Variants in TRHDE observed in about 807,000 individuals in gnomAD.
TRHDE encodes the protein thyrotropin-releasing hormone-degrading ectoenzyme.
TRHDE carries 72 observed loss-of-function variants against 125.7 expected under a neutral mutation model. The ratio of observed to expected loss-of-function variants is 0.57; its 90% CI spans 0.47 to 0.70. The LOEUF (loss-of-function observed/expected upper bound fraction) is 0.70, where lower values mean the gene tolerates loss of function less well. TRHDE is among the 30% of genes least tolerant of loss of function. TRHDE has a pLI of 0.00. For synonymous variants in TRHDE, 509 were observed against 509.1 expected, an observed-to-expected ratio of 1.00 and a Z score of 0.00; for missense variants, 1,110 against 1,327.1, an observed-to-expected ratio of 0.84 and a Z score of 2.54.
chr12:72,520,302 G>A (rs1030950773), intron 6 of TRHDE, among the ~76,000 whole-genome samples: 3 of 152,216 alleles, frequency 2.0e-5, no homozygotes, highest in African/African-American at 4.8e-5. Flanking sequence ...GACTCCGTGG[G>A]CGTAAGACCC....
At chr12:72,651,798 T>C (rs189147185) in intron 15 of TRHDE, among the ~76,000 whole-genome samples, 21 of 152,152 alleles carry the variant, frequency 1.4e-4, no homozygotes, top group Middle Eastern at 6.8e-3. Context: ...TTTTGGTATC[T>C]GTTTATTACC....
intron 2 of TRHDE, among the ~76,000 whole-genome samples, chr12:72,336,596 T>G (rs1869840046): frequency 6.6e-6 from 1 of 152,162 alleles, no homozygotes; most frequent in African/African-American, 2.4e-5. Context: ...ACTGGATAAT[T>G]TACAAACAGT....
intron 2 of TRHDE, among the ~76,000 whole-genome samples, chr12:72,246,483 G>A (rs923650672): frequency 7.9e-5 from 12 of 152,106 alleles, no homozygotes; most frequent in African/African-American, 2.7e-4. Context: ...ATATTTTCTG[G>A]TTTTCTTTTT....
At chr12:72,630,196 G>C (rs1873435298) in intron 15 of TRHDE, among the ~76,000 whole-genome samples, 1 of 151,570 alleles carries the variant, frequency 6.6e-6, no homozygotes, top group Admixed American at 6.6e-5. Flanking sequence ...ATCCCCACAT[G>C]TAAATGTGAT....
intron 12 of TRHDE, among the ~76,000 whole-genome samples, chr12:72,600,840 T>C (rs1872178263): frequency 6.6e-6 from 1 of 152,022 alleles, no homozygotes; most frequent in Non-Finnish European, 1.5e-5. Context: ...GGAAAACCAT[T>C]TCTTTCACAA....
chr12:72,598,880 T>C (rs1174284218), intron 12 of TRHDE, among the ~76,000 whole-genome samples: 1 of 151,662 alleles, frequency 6.6e-6, no homozygotes, highest in Non-Finnish European at 1.5e-5. Context: ...TTGCCCTTCG[T>C]CCCTCCCTTA....
chr12:72,469,813 T>C lies in TRHDE; in HGVS notation c.1371T>C (p.Ser457=). ...CTGCTATGGAGAACTGGGGACTAAG[T>C]ATTTTTGTGGAACAAAGAATACTGC... is the stretch of plus-strand genomic sequence containing the variant. ...PYAAMENWGL[S]IFVEQRILLD... Residue 457 remains serine (S), a synonymous_variant, in exon 4 of 19, where the codon AGT becomes AGC. Coordinates refer to ENST00000261180, the MANE Select transcript of TRHDE (RefSeq NM_013381.3). 6.2e-7 allele frequency: 1 copy of C among 1,614,110 alleles called. No homozygotes were observed. Among genetic ancestry groups the C allele is most frequent in the Non-Finnish European group, 8.5e-7 (1 of 1,179,966 alleles).
intron 6 of TRHDE, among the ~76,000 whole-genome samples, chr12:72,536,773 A>G (rs1274905820): frequency 3.3e-5 from 5 of 152,070 alleles, no homozygotes; most frequent in African/African-American, 1.2e-4. Context: ...TAGACCATAA[A>G]CATGTCCTAT....
upstream of TRHDE, chr12:72,271,911 G>A (rs1383989553): frequency 4.4e-6 from 2 of 456,496 alleles, no homozygotes; most frequent in East Asian, 1.4e-4. Flanking sequence ...TCTCGCTGTC[G>A]GGTCTGCAAC....
At chr12:72,128,876 T>C (rs1875786745) in intron 2 of TRHDE, among the ~76,000 whole-genome samples, 1 of 151,958 alleles carries the variant, frequency 6.6e-6, no homozygotes, top group Non-Finnish European at 1.5e-5. Context: ...TTTGGAGAAA[T>C]AGTGGCTGAA....
chr12:72,648,876 T>C (rs1445169899), intron 15 of TRHDE, among the ~76,000 whole-genome samples: 1 of 151,942 alleles, frequency 6.6e-6, no homozygotes. Context: ...CTAAAATCCA[T>C]AAAACATTGA....
intron 3 of TRHDE, among the ~76,000 whole-genome samples, chr12:72,420,563 A>G (rs1372350902): frequency 1.3e-5 from 2 of 152,150 alleles, no homozygotes; most frequent in Non-Finnish European, 2.9e-5. Context: ...GGGAATCTGA[A>G]AACTTCCTAA....
At chr12:72,541,848 C>G (rs1390248806) in intron 6 of TRHDE, among the ~76,000 whole-genome samples, 1 of 151,372 alleles carries the variant, frequency 6.6e-6, no homozygotes, top group Non-Finnish European at 1.5e-5. Flanking sequence ...CACAACTAAA[C>G]TTTTCTTGGT....
At chr12:72,549,611 CATT>C (rs1869580607) in intron 7 of TRHDE, among the ~76,000 whole-genome samples, 1 of 151,614 alleles carries the variant, frequency 6.6e-6, no homozygotes, top group Non-Finnish European at 1.5e-5. Context: ...ATAATGTTAT[CATT>C]ACTAATTTTT....
At chr12:72,641,576 ATATTT>A (rs1313341409) in intron 15 of TRHDE, among the ~76,000 whole-genome samples, 2 of 152,132 alleles carry the variant, frequency 1.3e-5, no homozygotes, top group Non-Finnish European at 2.9e-5. Context: ...TATCTTTGGT[ATATTT>A]TATTATATGA....
At position 72,573,413 on chromosome 12, in the gene TRHDE, G is replaced by GA. The variant is rs773784198; in HGVS notation, c.2132-1836dup. On this transcript the variant is annotated intron_variant, in intron 10 of 18. Coordinates refer to ENST00000261180, the MANE Select transcript of TRHDE (RefSeq NM_013381.3). ...GACTGGATAAATCATTTGCATTTTA[G>GA]AAAAAATATCTGATGATTTATTTTT... Among the ~76,000 whole-genome samples the GA allele has an allele frequency of 4.0e-5, 6 of 151,586 alleles. No individual in the cohort carries two copies. The East Asian group carries it at 5.8e-4, about 15-fold the overall frequency.
At chr12:72,117,732 T>C (rs1159898701) in intron 2 of TRHDE, among the ~76,000 whole-genome samples, 1 of 152,164 alleles carries the variant, frequency 6.6e-6, no homozygotes, top group Non-Finnish European at 1.5e-5. Context: ...TTTCATTTAT[T>C]GTGTCCTCTT....
At chr12:72,416,274 T>G (rs1449671723) in intron 3 of TRHDE, among the ~76,000 whole-genome samples, 1 of 152,108 alleles carries the variant, frequency 6.6e-6, no homozygotes, top group African/African-American at 2.4e-5. Context: ...ACATTTGAGC[T>G]CCTTATATAT....
intron 2 of TRHDE, among the ~76,000 whole-genome samples, chr12:72,250,455 C>T (rs1241597647): frequency 6.6e-6 from 1 of 152,092 alleles, no homozygotes; most frequent in African/African-American, 2.4e-5. Context: ...AGGATGCTTC[C>T]TCTTATCTGA....
Sources: allele counts gnomAD v4.1 joint callset (sites outside exome capture counted in the v4.1 genomes callset), GRCh38; gene constraint gnomAD v4.1.1; transcripts MANE v1.5; gene names NCBI Gene and HGNC (gene_info 2026-07-23, HGNC 2026-07-21).